The following CLCC1 variants were observed in gnomAD, a reference collection of about 807,000 sequenced individuals.
CLCC1 encodes chloride channel CLIC-like protein 1.
CLCC1 carries 39 observed loss-of-function variants against 63.3 expected under a neutral mutation model. That is an observed-to-expected ratio of 0.62 (90% CI 0.48 to 0.81). CLCC1 has a LOEUF of 0.81. CLCC1 is among the 30% of genes least tolerant of loss of function. The pLI is 0.00. For synonymous variants in CLCC1, 217 were observed against 239.8 expected, an observed-to-expected ratio of 0.90 and a Z score of 0.88; for missense variants, 549 against 669.4, an observed-to-expected ratio of 0.82 and a Z score of 1.98.
At chr1:108,943,649 A>C in intron 6 of CLCC1, 34 bp from the exon 7 acceptor site, 3 of 1,611,770 alleles carry the variant, frequency 1.9e-6, no homozygotes, top group Non-Finnish European at 2.5e-6. Context: ...TCAGCCACCA[A>C]AAACACTTAA....
Position 108,949,861 on chromosome 1 carries a change from T to A in CLCC1, c.190A>T (p.Ile64Leu). 6.3e-7 allele frequency: 1 copy of A among 1,596,262 alleles called. No individual in the cohort carries two copies. ...VSPDLSCADE[I>L]SECYHKLDSL... is the part of the protein sequence containing the mutation. ...TCAAGTTTGTGATAACATTCTGATATTTCATCAGCACATGACAAGTCAGGA... is the reference window on the plus strand; with the variant it reads ...TCAAGTTTGTGATAACATTCTGATAATTCATCAGCACATGACAAGTCAGGA... Residue 64 changes from isoleucine to leucine, a missense_variant, in exon 4 of 13, where the codon ATA (isoleucine) becomes TTA (leucine). Transcript: ENST00000369969.
In CLCC1 at chr1:108,940,052, G is replaced by T; in HGVS notation, c.887C>A (p.Pro296Gln). 1.9e-6 allele frequency: 3 copies of T among 1,609,454 alleles called. No homozygotes were observed. The highest frequency in any genetic ancestry group is 2.5e-6 in the Non-Finnish European group (3 of 1,176,742). The stretch of plus-strand genomic sequence containing the variant: ...ACAAAATATATGCTATACCTTTGTT[G>T]GTGGGACCAACCAAATAGGGTTGAC... ...LLVNPIWLVP[P>Q]TKALAVTFTT... The change falls in exon 9 of 13, where the codon CCA becomes CAA. Residue 296 changes from proline to glutamine, a missense_variant. By Grantham distance (76) the Pro-to-Gln change is moderately conservative. Transcript: ENST00000369969.
At chr1:108,947,834 G>C in intron 4 of CLCC1, 116 bp from the exon 5 acceptor site, 3 of 707,914 alleles carry the variant, frequency 4.2e-6, no homozygotes, top group Non-Finnish European at 4.7e-6. Flanking sequence ...TTTTGATCAA[G>C]TTTGCATTTA....
Position 108,947,707 on chromosome 1 carries a change from A to T in CLCC1, c.243T>A (p.Cys81Ter), listed in dbSNP as rs1178250700. 1 of 1,602,654 alleles carries T rather than the reference A, an allele frequency of 6.2e-7. No homozygotes were observed. Among genetic ancestry groups the T allele is most frequent in the African/African-American group, 1.3e-5 (1 of 74,624 alleles). ...CATAGTCTTCCCTCTTTTTCTTTTCACACTCATCAATCTGTAACCATAAAA... is the reference window on the plus strand; with the variant it reads ...CATAGTCTTCCCTCTTTTTCTTTTCTCACTCATCAATCTGTAACCATAAAA... ...LDSLTYKIDE[C>*]EKKKREDYES... Residue 81 changes from cysteine (C) to a stop codon, truncating the protein, a stop_gained, in exon 5 of 13, where the codon TGT becomes TGA. Transcript: ENST00000369969. LOFTEE classifies it high-confidence loss of function.
In CLCC1 at chr1:108,930,448, G is replaced by A. The variant is rs1423618836; in HGVS notation, c.*2099C>T. 2 of 154,142 alleles carry A rather than the reference G, an allele frequency of 1.3e-5. No homozygotes were observed. Among genetic ancestry groups the A allele is most frequent in the Admixed American group, 6.5e-5 (1 of 15,454 alleles). The allele number at this position is 154,142 out of a possible 1,614,324, so 9.5% of individuals were successfully genotyped here. A position where few individuals can be genotyped will look rare whatever the true frequency, so the allele number is the denominator to read the frequency against. ...TGAAAATCTGTTTTTTTAGGCCAAAGTCAGTATAAAAGAAACTCTACTTCT... is the reference window on the plus strand; with the variant it reads ...TGAAAATCTGTTTTTTTAGGCCAAAATCAGTATAAAAGAAACTCTACTTCT... On this transcript the variant is annotated 3_prime_UTR_variant, in exon 13 of 13. Transcript: ENST00000369969.
intron 2 of CLCC1, among the ~76,000 whole-genome samples, chr1:108,954,691 AG>A (rs762052237): frequency 2.6e-4 from 39 of 151,540 alleles, no homozygotes; most frequent in Non-Finnish European, 5.4e-4. Context: ...TTGGCCTACC[AG>A]CAACAAAAAT....
At position 108,947,765 on chromosome 1, in the gene CLCC1, T is replaced by C. The variant is rs113859037; in HGVS notation, c.232-47A>G. 2.3e-4 allele frequency: 301 copies of C among 1,294,680 alleles called. No individual in the cohort carries two copies. In the African/African-American group the frequency reaches 3.2e-3, roughly 14 times the overall value. 80.2% of individuals were successfully genotyped at this position (1,294,680 alleles called of 1,614,324 possible). A position where few individuals can be genotyped will look rare whatever the true frequency, so the allele number is the denominator to read the frequency against. The stretch of plus-strand genomic sequence containing the variant: ...AACATTAGTTAGAGTCAAAGTATAA[T>C]ATAAGGGTTAAGTTTCTAGCCTAGT... On this transcript the variant is annotated intron_variant, in intron 4 of 12. Coordinates refer to ENST00000369969, the MANE Select transcript of CLCC1 (RefSeq NM_001377458.1).
At chr1:108,945,275 G>T (rs976846180) in intron 5 of CLCC1, among the ~76,000 whole-genome samples, 5 of 152,046 alleles carry the variant, frequency 3.3e-5, no homozygotes, top group African/African-American at 9.7e-5. Context: ...CACTACATCA[G>T]AGGGCCGTTT....
Position 108,950,392 on chromosome 1 carries a change from C to T in CLCC1, c.46G>A (p.Gly16Ser). The T allele has an allele frequency of 6.2e-7, 1 of 1,611,900 alleles. No individual in the cohort carries two copies. The change falls in exon 3 of 13, where the codon GGT becomes AGT. Residue 16 changes from glycine (G) to serine (S), a missense_variant. Transcript: ENST00000369969. Reference sequence around the variant, plus strand: ...ATCCAGTCATCATCATGAGCATAACCAGCTACCAGCAACAGACATTCACAA... The same window carrying T: ...ATCCAGTCATCATCATGAGCATAACTAGCTACCAGCAACAGACATTCACAA... Reference protein sequence around the residue: ...LLCECLLLVAGYAHDDDWIDP... With the variant: ...LLCECLLLVASYAHDDDWIDP...
chr1:108,950,019 G>T, intron 3 of CLCC1, 98 bp from the exon 4 acceptor site: 1 of 765,576 alleles, frequency 1.3e-6, no homozygotes, highest in Non-Finnish European at 2.1e-6. Flanking sequence ...ATCATTTCAT[G>T]ACTCTGCATG....
Position 108,931,253 on chromosome 1 carries a change from T to A in CLCC1, c.*1294A>T. The A allele has an allele frequency of 1.4e-6, 2 of 1,434,438 alleles. No homozygotes were observed. Among genetic ancestry groups the A allele is most frequent in the East Asian group, 5.0e-5 (2 of 39,604 alleles). 88.9% of individuals were successfully genotyped at this position (1,434,438 alleles called of 1,614,324 possible). ...GATGAAAACTCACAAAAATTAAATATGAAAGAAAGATGTCAGCTAGAACCT... is the reference window on the plus strand; with the variant it reads ...GATGAAAACTCACAAAAATTAAATAAGAAAGAAAGATGTCAGCTAGAACCT... On this transcript the variant is annotated 3_prime_UTR_variant, in exon 13 of 13. Transcript: ENST00000369969.
intron 2 of CLCC1, among the ~76,000 whole-genome samples, chr1:108,960,310 G>A (rs1259975530): frequency 6.6e-6 from 1 of 152,168 alleles, no homozygotes; most frequent in African/African-American, 2.4e-5. Flanking sequence ...CAGGGCAATA[G>A]AAGACAAGCC....
intron 5 of CLCC1, among the ~76,000 whole-genome samples, chr1:108,944,888 C>G (rs971059587): frequency 6.6e-6 from 1 of 152,198 alleles, no homozygotes; most frequent in Non-Finnish European, 1.5e-5. Flanking sequence ...CATGGCCTCC[C>G]AAAGTGCTGG....
rs370876516 is a variant in CLCC1 at position 108,952,474 on chromosome 1, CCT to C, written c.-11-2028_-11-2027del. Among the ~76,000 whole-genome samples, 463 of 152,228 alleles carry C rather than the reference CCT, an allele frequency of 3.0e-3. 2 individuals carry two copies. The highest frequency in any genetic ancestry group is 3.1e-3 in the South Asian group (15 of 4,826). On this transcript the variant is annotated intron_variant, in intron 2 of 12. Transcript: ENST00000369969. ...GCATGAGCCACAGCGCTTGGCCCCC[CCT>C]GTTTTTTTTTAACAAATGAGAAATA...
intron 5 of CLCC1, among the ~76,000 whole-genome samples, chr1:108,947,324 C>A (rs1000806742): frequency 1.3e-5 from 2 of 152,160 alleles, no homozygotes; most frequent in African/African-American, 4.8e-5. Flanking sequence ...AGAATTATCA[C>A]CCCACCTCCT....
intron 2 of CLCC1, among the ~76,000 whole-genome samples, chr1:108,955,570 C>T (rs958109434): frequency 1.3e-5 from 2 of 151,428 alleles, no homozygotes; most frequent in Non-Finnish European, 2.9e-5. Flanking sequence ...CTTGACTGGA[C>T]TAAGGAAAAC....
chr1:108,952,310 C>T (rs1655290618), intron 2 of CLCC1, among the ~76,000 whole-genome samples: 2 of 152,292 alleles, frequency 1.3e-5, no homozygotes, highest in Non-Finnish European at 2.9e-5. Context: ...TCCCAAGTGG[C>T]TGGAATTACA....
Position 108,937,351 on chromosome 1 carries a change from G to C in CLCC1, c.1109C>G (p.Pro370Arg). Residue 370 changes from proline (P) to arginine (R), a missense_variant, in exon 11 of 13, where the codon CCT becomes CGT. Physicochemically the swap from Pro to Arg is moderately radical, Grantham distance 103 (BLOSUM62 -2). Transcript: ENST00000369969. ...LRHIGGPESE[P>R]PQALRPRDRR... ...ATCCCGTGGCCGAAGTGCCTGGGGA[G>C]GTTCGCTCTCAGGACCGCCTATATG... The C allele has an allele frequency of 5.0e-6, 8 of 1,614,154 alleles. No homozygotes were observed. Among genetic ancestry groups the C allele is most frequent in the Non-Finnish European group, 6.8e-6 (8 of 1,180,016 alleles).
rs1570975231 is a variant in CLCC1, at chr1:108,929,550, A to T, written c.*2997T>A. 7.1e-6 allele frequency: 5 copies of T among 707,578 alleles called. No individual in the cohort carries two copies. In the East Asian group the frequency reaches 1.3e-4, roughly 19 times the overall value. The allele number at this position is 707,578 out of a possible 1,614,324, so 43.8% of individuals were successfully genotyped here. On this transcript the variant is annotated 3_prime_UTR_variant, in exon 13 of 13. Coordinates refer to ENST00000369969, the MANE Select transcript of CLCC1 (RefSeq NM_001377458.1). ...TCTTTCAGAAATCAGGCTGGGAACTAAAGAGAACAATATAAAAACAAAGAT... is the reference window on the plus strand; with the variant it reads ...TCTTTCAGAAATCAGGCTGGGAACTTAAGAGAACAATATAAAAACAAAGAT...
Sources: gnomAD v4.1 joint callset for allele counts (sites outside exome capture counted in the v4.1 genomes callset) on GRCh38, gnomAD v4.1.1 for gene constraint, MANE v1.5 for transcripts, NCBI Gene and HGNC (gene_info 2026-07-23, HGNC 2026-07-21) for gene names.